The following TFAP2D variants were observed in gnomAD, a reference collection of about 807,000 sequenced individuals.
TFAP2D encodes the protein transcription factor AP-2 delta.
In TFAP2D, 9 loss-of-function variants were observed where a neutral mutation model predicts 43.6. The ratio of observed to expected loss-of-function variants is 0.21; its 90% CI spans 0.12 to 0.36. TFAP2D has a LOEUF of 0.36. Ranked by LOEUF, TFAP2D falls within the 10% of genes least tolerant of loss-of-function variation. The pLI, the probability that TFAP2D is intolerant of heterozygous loss-of-function variation, is 1.00. For synonymous variants in TFAP2D, 256 were observed against 224.9 expected, an observed-to-expected ratio of 1.14 and a Z score of -1.24; for missense variants, 513 against 561.4, an observed-to-expected ratio of 0.91 and a Z score of 0.87.
chr6:50,756,016 C>A (rs1769260458), intron 7 of TFAP2D, among the ~76,000 whole-genome samples: 1 of 151,838 alleles, frequency 6.6e-6, no homozygotes, highest in African/African-American at 2.4e-5. Context: ...CATGTGCCAC[C>A]ATGCTTGGCT....
intron 5 of TFAP2D, among the ~76,000 whole-genome samples, chr6:50,738,210 G>A (rs1173728796): frequency 6.6e-6 from 1 of 151,952 alleles, no homozygotes; most frequent in Non-Finnish European, 1.5e-5. Context: ...TTGTATTTAT[G>A]GAGTAATATT....
chr6:50,716,183 A>G (rs1424167329), intron 2 of TFAP2D, among the ~76,000 whole-genome samples: 1 of 152,100 alleles, frequency 6.6e-6, no homozygotes, highest in Non-Finnish European at 1.5e-5. Flanking sequence ...AATACACTAG[A>G]TATCTGTGGA....
Position 50,772,764 on chromosome 6 carries a change from C to A in TFAP2D, c.1259C>A (p.Ala420Glu). The A allele has an allele frequency of 6.2e-7, 1 of 1,614,040 alleles. No homozygotes were observed. The highest frequency in any genetic ancestry group is 1.1e-5 in the South Asian group (1 of 91,082). Reference sequence around the variant, plus strand: ...CACACTACTCACAAGAACGGCGGAGCGGCGGATTCTGGCCAAGGACATGCC... The same window carrying A: ...CACACTACTCACAAGAACGGCGGAGAGGCGGATTCTGGCCAAGGACATGCC... Reference protein sequence around the residue: ...EKHTTHKNGGAADSGQGHANS... With the variant: ...EKHTTHKNGGEADSGQGHANS... The change falls in exon 8 of 8, where the codon GCG (alanine) becomes GAG (glutamate). Residue 420 changes from alanine to glutamate, a missense_variant. Ala to Glu is a moderately radical substitution (Grantham distance 107, BLOSUM62 -1). Transcript: ENST00000008391.
At chr6:50,753,644 C>T (rs895124911) in intron 7 of TFAP2D, among the ~76,000 whole-genome samples, 17 of 151,838 alleles carry the variant, frequency 1.1e-4, no homozygotes, top group Admixed American at 6.6e-5. Flanking sequence ...ATAAAACTCA[C>T]AAGATTATAT....
At chr6:50,743,844 T>C (rs139325775) in intron 5 of TFAP2D, among the ~76,000 whole-genome samples, 1 of 152,244 alleles carries the variant, frequency 6.6e-6, no homozygotes, top group Non-Finnish European at 1.5e-5. Flanking sequence ...ATAGGTAATA[T>C]TCATATAGGT....
chr6:50,766,474 G>A (rs529124648), intron 7 of TFAP2D, among the ~76,000 whole-genome samples: 7 of 151,806 alleles, frequency 4.6e-5, no homozygotes, highest in Admixed American at 6.6e-5. Context: ...AAAAATTAAT[G>A]CTTCCAATCC....
At position 50,772,920 on chromosome 6, in the gene TFAP2D, A is replaced by G; in HGVS notation, c.*56A>G. ...TCTTGCTGCTGATATTTTTTCTAAT[A>G]TATATATCATTGAGGGTGACTAATC... is the stretch of plus-strand genomic sequence containing the variant. On this transcript the variant is annotated 3_prime_UTR_variant, in exon 8 of 8. Transcript: ENST00000008391. 1.0e-5 allele frequency: 15 copies of G among 1,488,210 alleles called. No individual in the cohort carries two copies. The highest frequency in any genetic ancestry group is 1.4e-5 in the Non-Finnish European group (15 of 1,093,702). 92.2% of individuals were successfully genotyped at this position (1,488,210 alleles called of 1,614,324 possible).
chr6:50,713,896 G>T lies in TFAP2D; in HGVS notation c.-160G>T. 9.2e-7 allele frequency: 1 copy of T among 1,089,786 alleles called. No homozygotes were observed. The highest frequency in any genetic ancestry group is 1.3e-6 in the Non-Finnish European group (1 of 745,074). The allele number at this position is 1,089,786 out of a possible 1,614,324, so 67.5% of individuals were successfully genotyped here. A position where few individuals can be genotyped will look rare whatever the true frequency, so the allele number is the denominator to read the frequency against. ...TTTTTAAGTGGGTACGAGGCAAGGAGCTATCTGATCCGGGCAAAACCATTA... is the reference window on the plus strand; with the variant it reads ...TTTTTAAGTGGGTACGAGGCAAGGATCTATCTGATCCGGGCAAAACCATTA... On this transcript the variant is annotated 5_prime_UTR_variant, in exon 1 of 8. Coordinates refer to ENST00000008391, the MANE Select transcript of TFAP2D (RefSeq NM_172238.4).
chr6:50,735,936 G>A (rs2114043087), intron 5 of TFAP2D, among the ~76,000 whole-genome samples: 1 of 152,252 alleles, frequency 6.6e-6, no homozygotes, highest in South Asian at 2.1e-4. Flanking sequence ...GATAACATCT[G>A]TTTAGGGAAT....
intron 5 of TFAP2D, among the ~76,000 whole-genome samples, chr6:50,743,981 G>T (rs1418963277): frequency 6.6e-6 from 1 of 152,066 alleles, no homozygotes; most frequent in Non-Finnish European, 1.5e-5. Context: ...CTTCTACCTA[G>T]CACTGTGCCT....
chr6:50,742,364 C>T (rs1390589594), intron 5 of TFAP2D, among the ~76,000 whole-genome samples: 2 of 152,020 alleles, frequency 1.3e-5, no homozygotes, highest in Non-Finnish European at 2.9e-5. Flanking sequence ...CTGTCCCACT[C>T]AAACTGTTTT....
chr6:50,725,024 G>T (rs1382815571), intron 3 of TFAP2D, among the ~76,000 whole-genome samples: 1 of 152,128 alleles, frequency 6.6e-6, no homozygotes, highest in East Asian at 1.9e-4. Context: ...TGAGTCGATA[G>T]TTGGTCAAAT....
intron 2 of TFAP2D, 134 bp downstream of exon 2, chr6:50,715,747 T>TCACACACACACACA (rs1450229346): frequency 2.1e-6 from 1 of 479,878 alleles, no homozygotes; most frequent in African/African-American, 2.5e-5. Context: ...TCTCTCTCTC[T>TCACACACACACACA]CTCACACACA....
rs771072681 is a variant in TFAP2D, at chr6:50,728,991, A to G, written c.734A>G (p.Asn245Ser). The G allele has an allele frequency of 1.9e-6, 3 of 1,613,934 alleles. No homozygotes were observed. The African/African-American group carries it at 4.0e-5, about 22-fold the overall frequency. ...CGCCTCTCCCCACCTGAGTGCCTCA[A>G]TGCTTCACTCTTGGGAGGCATTTTG... ...KRRLSPPECL[N>S]ASLLGGILRR... is the part of the protein sequence containing the mutation. The change falls in exon 4 of 8, where the codon AAT becomes AGT. Residue 245 changes from asparagine (N) to serine (S), a missense_variant. Asn to Ser is a conservative substitution (Grantham distance 46). Around this residue, in one of 3 missense-constraint regions of TFAP2D, gnomAD observed 311 missense variants for 316.2 expected, o/e 0.98. Coordinates refer to ENST00000008391, the MANE Select transcript of TFAP2D (RefSeq NM_172238.4).
chr6:50,724,052 C>A (rs764551032), intron 3 of TFAP2D, among the ~76,000 whole-genome samples: 4 of 152,102 alleles, frequency 2.6e-5, no homozygotes, highest in Non-Finnish European at 5.9e-5. Flanking sequence ...CCAATTAAGT[C>A]CGCATCCTTT....
chr6:50,727,844 C>A (rs1226803060), intron 3 of TFAP2D, among the ~76,000 whole-genome samples: 3 of 152,162 alleles, frequency 2.0e-5, no homozygotes, highest in Non-Finnish European at 2.9e-5. Context: ...AGTCACCATG[C>A]TAGCAGGGTG....
intron 3 of TFAP2D, among the ~76,000 whole-genome samples, chr6:50,727,642 A>G (rs1768827911): frequency 6.6e-6 from 1 of 152,120 alleles, no homozygotes; most frequent in African/African-American, 2.4e-5. Context: ...TTCTTCTCCC[A>G]TCTACTTTTT....
At position 50,772,859 on chromosome 6, in the gene TFAP2D, G is replaced by T; in HGVS notation, c.1354G>T (p.Asp452Tyr). 1.2e-6 allele frequency: 2 copies of T among 1,611,756 alleles called. No homozygotes were observed. The highest frequency in any genetic ancestry group is 1.7e-6 in the Non-Finnish European group (2 of 1,178,868). The change falls in exon 8 of 8, where the codon GAC (aspartate) becomes TAC (tyrosine). Residue 452 changes from aspartate (D) to tyrosine (Y), a missense_variant. This residue lies in a region of TFAP2D where 199 missense variants were observed against 227.9 expected (regional missense o/e 0.87). Coordinates refer to ENST00000008391, the MANE Select transcript of TFAP2D (RefSeq NM_172238.4). ...AVKEGKTEKT[D>Y] is the part of the protein sequence containing the mutation. Reference sequence around the variant, plus strand: ...GAAAGAGGGCAAAACAGAAAAGACAGACTAGCTACATCAAACAGAATCTAT... The same window carrying T: ...GAAAGAGGGCAAAACAGAAAAGACATACTAGCTACATCAAACAGAATCTAT...
chr6:50,740,447 GTTTT>G (rs1316167655), intron 5 of TFAP2D, among the ~76,000 whole-genome samples: 2 of 151,906 alleles, frequency 1.3e-5, no homozygotes, highest in Non-Finnish European at 2.9e-5. Context: ...TTGTTTGTTT[GTTTT>G]GAGATGTAGT....
Sources: allele counts gnomAD v4.1 joint callset (sites outside exome capture counted in the v4.1 genomes callset), GRCh38; gene constraint gnomAD v4.1.1; regional missense constraint gnomAD v4.1.1; transcripts MANE v1.5; gene names NCBI Gene and HGNC (gene_info 2026-07-23, HGNC 2026-07-21).